TENM4: variants seen among roughly 807,000 people sequenced by gnomAD.
TENM4 encodes the protein teneurin transmembrane protein 4, also known as teneurin-4.
A neutral mutation model predicts 243.3 loss-of-function variants in TENM4; 82 were observed. The ratio of observed to expected loss-of-function variants is 0.34; its 90% CI spans 0.28 to 0.40. TENM4 has a LOEUF of 0.40. Among genes scored for constraint, TENM4 ranks in the 10% least tolerant of loss-of-function variants. The pLI is 1.00. For synonymous variants in TENM4, 1,412 were observed against 1,456.3 expected (o/e 0.97, Z 0.69); for missense variants, 3,138 against 3,673.3 (o/e 0.85, Z 3.77).
At chr11:79,311,296 G>T (rs2135413588) in intron 1 of TENM4, among the ~76,000 whole-genome samples, 2 of 152,306 alleles carry the variant, frequency 1.3e-5, no homozygotes, top group Middle Eastern at 3.4e-3. Context: ...CTGATCCTTG[G>T]TTTCTGTGCC....
At chr11:79,360,083 C>G (rs1857565938) in intron 1 of TENM4, among the ~76,000 whole-genome samples, 1 of 152,180 alleles carries the variant, frequency 6.6e-6, no homozygotes, top group South Asian at 2.1e-4. Context: ...TACAGAGCCA[C>G]AGCCTCTTCC....
chr11:79,258,452 C>T (rs370990920), intron 2 of TENM4, among the ~76,000 whole-genome samples: 2 of 152,198 alleles, frequency 1.3e-5, no homozygotes, highest in Admixed American at 6.5e-5. Flanking sequence ...TGGCCCCCTT[C>T]AATAACTCTA....
Position 78,805,280 on chromosome 11 carries a change from C to CACCCA in TENM4, c.2179+11_2179+12insTGGGT. On this transcript the variant is annotated intron_variant, in intron 15 of 33. Transcript: ENST00000278550. ...CTCCCTCTACCCATGCTTCTTCTCC[C>CACCCA]CCTGCATTTACCGATAGAACAGTCG... is the stretch of plus-strand genomic sequence containing the variant. 6.7e-7 allele frequency: 1 copy of CACCCA among 1,494,452 alleles called. No homozygotes were observed. Among genetic ancestry groups the CACCCA allele is most frequent in the Non-Finnish European group, 9.1e-7 (1 of 1,101,302 alleles). 92.6% of individuals were successfully genotyped at this position (1,494,452 alleles called of 1,614,324 possible).
At chr11:79,282,783 A>C (rs554618372) in intron 2 of TENM4, among the ~76,000 whole-genome samples, 10 of 151,214 alleles carry the variant, frequency 6.6e-5, no homozygotes, top group Non-Finnish European at 1.2e-4. Context: ...TGGAGTATTT[A>C]TTCAGGCATT....
intron 2 of TENM4, among the ~76,000 whole-genome samples, 172 bp from the exon 3 acceptor site, chr11:79,216,081 A>G (rs889323837): frequency 6.6e-6 from 1 of 152,188 alleles, no homozygotes; most frequent in East Asian, 1.9e-4. Flanking sequence ...GCACCCTGCA[A>G]ATCCCACACA....
chr11:78,726,149 G>A lies in TENM4; in HGVS notation c.3480C>T (p.Gly1160=). 6.2e-7 allele frequency: 1 copy of A among 1,613,976 alleles called. No homozygotes were observed. Among genetic ancestry groups the A allele is most frequent in the Non-Finnish European group, 8.5e-7 (1 of 1,179,884 alleles). Residue 1160 remains glycine, a synonymous_variant, in exon 23 of 34, where the codon GGC becomes GGT. Coordinates refer to ENST00000278550, the MANE Select transcript of TENM4 (RefSeq NM_001098816.3). The part of the protein sequence containing the change: ...LWEKRTTVLQ[G]YEIDASKLGG... ...CAAGCTTGGACGCGTCAATTTCATA[G>A]CCCTGCAGCACTGTTGTTCTTTTTT...
intron 4 of TENM4, among the ~76,000 whole-genome samples, chr11:79,085,982 C>T (rs1365890050): frequency 1.3e-5 from 2 of 152,160 alleles, no homozygotes; most frequent in Non-Finnish European, 2.9e-5. Context: ...ACCACAAGCA[C>T]AGCATCCTGT....
intron 2 of TENM4, among the ~76,000 whole-genome samples, chr11:79,287,644 A>C (rs984202497): frequency 1.3e-5 from 2 of 152,124 alleles, no homozygotes; most frequent in Non-Finnish European, 2.9e-5. Flanking sequence ...GCCATTTTCA[A>C]CACTGACACT....
At position 78,660,219 on chromosome 11, in the gene TENM4, G is replaced by C. The variant is rs190069288; in HGVS notation, c.7551+1230C>G. Among the ~76,000 whole-genome samples the C allele has an allele frequency of 3.0e-3, 451 of 152,304 alleles. 6 individuals are homozygous for C. Among genetic ancestry groups the C allele is most frequent in the African/African-American group, 0.01 (428 of 41,558 alleles). On this transcript the variant is annotated intron_variant, in intron 33 of 33. Transcript: ENST00000278550. ...AGGCTGGGCAGCAGAAAGACGATGG[G>C]CTCTGGGGCCAGGCAGACTTGGGTT...
chr11:79,136,028 A>C (rs1329398258), intron 4 of TENM4, among the ~76,000 whole-genome samples: 4 of 151,854 alleles, frequency 2.6e-5, no homozygotes, highest in African/African-American at 9.7e-5. Context: ...GATTTTGGGA[A>C]CTTATGGGGA....
chr11:79,060,053 C>G (rs911918280), intron 6 of TENM4, among the ~76,000 whole-genome samples: 3 of 152,236 alleles, frequency 2.0e-5, no homozygotes, highest in African/African-American at 7.2e-5. Flanking sequence ...AGCTGTGGGA[C>G]AAATTACAGA....
intron 7 of TENM4, among the ~76,000 whole-genome samples, chr11:78,901,568 C>G (rs902947813): frequency 6.6e-6 from 1 of 152,136 alleles, no homozygotes; most frequent in African/African-American, 2.4e-5. Flanking sequence ...GAAGTTCTAA[C>G]TTGATCCTAA....
chr11:79,128,301 T>C (rs190034142), intron 4 of TENM4, among the ~76,000 whole-genome samples: 161 of 152,346 alleles, frequency 1.1e-3, no homozygotes, highest in South Asian at 7.5e-3. Context: ...CATTTGACTA[T>C]GGGTCATCAA....
chr11:79,229,271 C>T (rs1046115088), intron 2 of TENM4, among the ~76,000 whole-genome samples: 10 of 152,256 alleles, frequency 6.6e-5, no homozygotes, highest in Non-Finnish European at 7.3e-5. Context: ...GCAGCATCTA[C>T]GCAGTCTCTG....
intron 6 of TENM4, among the ~76,000 whole-genome samples, chr11:79,005,804 T>C (rs913332087): frequency 1.3e-5 from 2 of 152,144 alleles, no homozygotes; most frequent in Admixed American, 6.5e-5. Flanking sequence ...CAAGTCAAAC[T>C]ATCCTTGTTT....
chr11:79,165,076 A>C (rs1862883281), intron 3 of TENM4, among the ~76,000 whole-genome samples: 1 of 151,122 alleles, frequency 6.6e-6, no homozygotes, highest in South Asian at 2.1e-4. Flanking sequence ...ATATTTTTGA[A>C]ATTGCGAATT....
intron 2 of TENM4, among the ~76,000 whole-genome samples, chr11:79,232,377 C>T (rs561263277): frequency 1.1e-4 from 16 of 152,346 alleles, no homozygotes; most frequent in East Asian, 3.9e-4. Context: ...AAACCCTGCA[C>T]GGGCAGCCCC....
intron 6 of TENM4, among the ~76,000 whole-genome samples, chr11:78,992,175 AG>A (rs767014262): frequency 6.4e-4 from 97 of 152,360 alleles, no homozygotes; most frequent in African/African-American, 2.0e-3. Context: ...TGCACAGCAA[AG>A]GAGAACGAGC....
At chr11:79,087,723 G>GA (rs1860842293) in intron 4 of TENM4, among the ~76,000 whole-genome samples, 1 of 152,240 alleles carries the variant, frequency 6.6e-6, no homozygotes, top group Admixed American at 6.5e-5. Flanking sequence ...TCACTGTACA[G>GA]AGGTGACATT....
Sources: gnomAD v4.1 joint callset for allele counts (sites outside exome capture counted in the v4.1 genomes callset) on GRCh38, gnomAD v4.1.1 for gene constraint, MANE v1.5 for transcripts, NCBI Gene and HGNC (gene_info 2026-07-23, HGNC 2026-07-21) for gene names.